Variants in CDKL5 observed in about 807,000 individuals in gnomAD.
The protein encoded by CDKL5 is cyclin dependent kinase like 5.
A neutral mutation model predicts 61.7 loss-of-function variants in CDKL5; 8 were observed. The ratio of observed to expected loss-of-function variants is 0.13; its 90% confidence interval spans 0.08 to 0.23. The LOEUF (loss-of-function observed/expected upper bound fraction) is 0.23. Among genes scored for constraint, CDKL5 ranks in the 10% least tolerant of loss-of-function variants. The pLI is 1.00. For missense variants in CDKL5, 440 were observed against 734.5 expected, an observed-to-expected ratio of 0.60 and a Z score of 4.63; for synonymous variants, 275 against 272.3, an observed-to-expected ratio of 1.01 and a Z score of -0.10.
rs919308043 is a variant in CDKL5 at position 18,610,616 on chromosome X, C to T, written c.2152+1046C>T. ...AAGAAAAATTTCAAGTGTACTTGCA[C>T]GGGCTAAAATGTACTTTGTTATTTA... On this transcript the variant is annotated intron_variant, in intron 14 of 17. Transcript: ENST00000623535. Among the ~76,000 whole-genome samples, 19 of 113,069 alleles carry T rather than the reference C, an allele frequency of 1.7e-4. No homozygotes were observed. The Admixed American group carries it at 1.8e-3, about 11-fold the overall frequency.
intron 3 of CDKL5, among the ~76,000 whole-genome samples, chrX:18,556,981 A>G (rs1403053774): frequency 1.8e-5 from 2 of 110,259 alleles, no homozygotes; most frequent in Non-Finnish European, 3.8e-5. Context: ...GTAGGGTTTT[A>G]CTTATGCTCA....
In CDKL5 at chrX:18,469,700, A is replaced by C. The variant is rs371120095; in HGVS notation, c.-162-37235A>C. 1.5e-4 allele frequency among the ~76,000 whole-genome samples: 17 copies of C among 111,485 alleles called. No homozygotes were observed. The East Asian group carries it at 4.2e-3, about 28-fold the overall frequency. On this transcript the variant is annotated intron_variant, in intron 1 of 17. Coordinates refer to ENST00000623535, the MANE Select transcript of CDKL5 (RefSeq NM_001323289.2). The stretch of plus-strand genomic sequence containing the variant: ...AATCAGACCTACCAGTGTCTAGTTC[A>C]GGATTTGAATGCTTAGTATATATTC...
At chrX:18,464,659 A>G (rs1483300698) in intron 1 of CDKL5, among the ~76,000 whole-genome samples, 1 of 111,827 alleles carries the variant, frequency 8.9e-6, no homozygotes, top group Non-Finnish European at 1.9e-5. Context: ...CACAAAGCCA[A>G]ACCTTATGTA....
intron 3 of CDKL5, among the ~76,000 whole-genome samples, chrX:18,512,371 A>G (rs2147096432): frequency 8.9e-6 from 1 of 111,833 alleles, no homozygotes; most frequent in South Asian, 3.7e-4. Flanking sequence ...ATGTGTGTGT[A>G]TGTATGTAAA....
intron 3 of CDKL5, among the ~76,000 whole-genome samples, chrX:18,547,899 C>T (rs1031575474): frequency 1.8e-5 from 2 of 111,960 alleles, no homozygotes; most frequent in South Asian, 3.7e-4. Flanking sequence ...TTTGTTTTTG[C>T]GCAGAGGGGT....
At chrX:18,507,870 A>C (rs909920497) in intron 2 of CDKL5, among the ~76,000 whole-genome samples, 7 of 112,005 alleles carry the variant, frequency 6.2e-5, no homozygotes, top group African/African-American at 9.7e-5. Context: ...ATACAATTTT[A>C]TCTCTGAAAT....
At position 18,635,573 on chromosome X, in the gene CDKL5, A is replaced by G; in HGVS notation, c.*6816A>G. The G allele has an allele frequency of 5.3e-6, 4 of 750,758 alleles. No homozygotes were observed. Among genetic ancestry groups the G allele is most frequent in the Non-Finnish European group, 6.3e-6 (4 of 636,067 alleles). The allele number at this position is 750,758 out of a possible 1,213,427, so 61.9% of individuals were successfully genotyped here. Reference sequence around the variant, plus strand: ...CAGAAATTAATGTAAAACTAGGCAAATCCTGTAACTTAATGATGTTGATCT... The same window carrying G: ...CAGAAATTAATGTAAAACTAGGCAAGTCCTGTAACTTAATGATGTTGATCT... On this transcript the variant is annotated 3_prime_UTR_variant, in exon 18 of 18. Transcript: ENST00000623535.
At chrX:18,595,485 T>C (rs1265402819) in intron 10 of CDKL5, 57 bp downstream of exon 10, 12 of 761,291 alleles carry the variant, frequency 1.6e-5, no homozygotes, top group Non-Finnish European at 2.3e-5. Context: ...GATTCTTTTG[T>C]GTCTACATGT....
intron 16 of CDKL5, among the ~76,000 whole-genome samples, chrX:18,621,242 AGG>A (rs1156841822): frequency 8.9e-6 from 1 of 111,990 alleles, no homozygotes; most frequent in Non-Finnish European, 1.9e-5. Context: ...GAAGTAGATT[AGG>A]TAGATGTTCA....
chrX:18,445,534 T>A (rs1277477491), intron 1 of CDKL5, among the ~76,000 whole-genome samples: 2 of 112,168 alleles, frequency 1.8e-5, no homozygotes, highest in African/African-American at 3.2e-5. Flanking sequence ...CTGATAATAC[T>A]TTGGCTCAGT....
chrX:18,510,158 T>C (rs1029944281), intron 2 of CDKL5, among the ~76,000 whole-genome samples: 4 of 110,888 alleles, frequency 3.6e-5, no homozygotes, highest in African/African-American at 9.8e-5. Flanking sequence ...TTTTGTTTGT[T>C]TGTTTGTTTG....
intron 4 of CDKL5, among the ~76,000 whole-genome samples, chrX:18,569,454 C>G (rs1925069764): frequency 8.9e-6 from 1 of 111,935 alleles, no homozygotes; most frequent in South Asian, 3.7e-4. Flanking sequence ...TTAAAAGGTA[C>G]TTTTCAGACT....
chrX:18,648,445 T>A (rs1439797867), intron 20 of CDKL5, among the ~76,000 whole-genome samples: 1 of 110,150 alleles, frequency 9.1e-6, no homozygotes, highest in African/African-American at 3.3e-5. Flanking sequence ...TTTTGCCATG[T>A]TCCCCAGGCT....
downstream of CDKL5, among the ~76,000 whole-genome samples, chrX:18,643,347 G>A (rs1455607256): frequency 9.0e-6 from 1 of 111,071 alleles, no homozygotes; most frequent in African/African-American, 3.3e-5. Context: ...CCATGTTCTT[G>A]CCTTTCTCCG....
At chrX:18,606,210 A>AC (rs1926362397) in intron 12 of CDKL5, among the ~76,000 whole-genome samples, 3 of 110,324 alleles carry the variant, frequency 2.7e-5, no homozygotes, top group South Asian at 3.8e-4. Context: ...ACACACACAC[A>AC]AACACACAAT....
rs192653803 is a variant in CDKL5, at chrX:18,502,895, G to C, written c.-162-4040G>C. 3.6e-5 allele frequency among the ~76,000 whole-genome samples: 4 copies of C among 111,448 alleles called. No individual in the cohort carries two copies. The East Asian group carries it at 1.1e-3, about 31-fold the overall frequency. ...TGCTGCTCATACTTGTAGTAGGAGG[G>C]TGTTGCTTCTACTTGGAACTCTGCC... On this transcript the variant is annotated intron_variant, in intron 1 of 17. Coordinates refer to ENST00000623535, the MANE Select transcript of CDKL5 (RefSeq NM_001323289.2).
intron 1 of CDKL5, among the ~76,000 whole-genome samples, chrX:18,506,360 TATATG>T (rs1922578914): frequency 8.9e-6 from 1 of 112,066 alleles, no homozygotes; most frequent in South Asian, 3.7e-4. Flanking sequence ...AGCTAGGAAA[TATATG>T]TATGTGAGTG....
At chrX:18,608,378 G>A (rs1225570150) in intron 12 of CDKL5, among the ~76,000 whole-genome samples, 1 of 111,771 alleles carries the variant, frequency 8.9e-6, no homozygotes, top group Non-Finnish European at 1.9e-5. Context: ...ATCTGACTTT[G>A]CCATATAAGT....
intron 17 of CDKL5, among the ~76,000 whole-genome samples, chrX:18,628,067 C>T (rs1927120843): frequency 8.9e-6 from 1 of 111,894 alleles, no homozygotes. Context: ...CTCCTTCCTG[C>T]TGGTTGAAGC....
Sources: allele counts gnomAD v4.1 joint callset (sites outside exome capture counted in the v4.1 genomes callset), GRCh38; gene constraint gnomAD v4.1.1; transcripts MANE v1.5; gene names NCBI Gene and HGNC (gene_info 2026-07-23, HGNC 2026-07-21).